The following ATP9A variants were observed in gnomAD, a reference collection of about 807,000 sequenced individuals.
ATP9A encodes ATPase phospholipid transporting 9A, also known as probable phospholipid-transporting ATPase IIA.
A neutral mutation model predicts 144.1 loss-of-function variants in ATP9A; 52 were observed. The observed-to-expected ratio is 0.36, with a 90% CI of 0.29 to 0.45. The LOEUF (loss-of-function observed/expected upper bound fraction) is 0.45, where lower values mean the gene tolerates loss of function less well. Among genes scored for constraint, ATP9A ranks in the 20% least tolerant of loss-of-function variants. The pLI is 1.00. For missense variants in ATP9A, 947 were observed against 1,392.7 expected (o/e 0.68, Z 5.09); for synonymous variants, 582 against 557.4 (o/e 1.04, Z -0.62).
intron 6 of ATP9A, among the ~76,000 whole-genome samples, chr20:51,694,918 C>A (rs2077564104): frequency 6.6e-6 from 1 of 152,074 alleles, no homozygotes; most frequent in Admixed American, 6.6e-5. Flanking sequence ...CCATAATGCT[C>A]TGTTTTCACT....
At chr20:51,628,527 T>C (rs1298946741) in intron 16 of ATP9A, among the ~76,000 whole-genome samples, 1 of 152,242 alleles carries the variant, frequency 6.6e-6, no homozygotes, top group Admixed American at 6.5e-5. Context: ...ACCTGCTCTC[T>C]TTGTTGAAGC....
intron 13 of ATP9A, among the ~76,000 whole-genome samples, chr20:51,660,651 TAA>T (rs774702176): frequency 6.6e-6 from 1 of 152,210 alleles, no homozygotes; most frequent in Non-Finnish European, 1.5e-5. Context: ...AATTGTTAAA[TAA>T]AGTCTCATTT....
intron 11 of ATP9A, among the ~76,000 whole-genome samples, chr20:51,672,718 G>GA (rs1206110615): frequency 6.6e-6 from 1 of 152,156 alleles, no homozygotes; most frequent in African/African-American, 2.4e-5. Flanking sequence ...AAGTTTCAGG[G>GA]AAAAAATATG....
Position 51,625,323 on chromosome 20 carries a change from A to C in ATP9A, c.1885T>G (p.Ser629Ala), listed in dbSNP as rs777812750. The change falls in exon 18 of 28, where the codon TCC becomes GCC. Residue 629 changes from serine (S) to alanine (A), a missense_variant. By Grantham distance (99) the Ser-to-Ala change is moderately conservative. Coordinates refer to ENST00000338821, the MANE Select transcript of ATP9A (RefSeq NM_006045.3). ...VQAKLSVHDR[S>A]LKVATVIESL... ...TCGATCACCGTGGCCACTTTGAGGG[A>C]GCGGTCGTGCACACTCAGCTTGGCC... is the stretch of plus-strand genomic sequence containing the variant. 18 of 1,614,150 alleles carry C rather than the reference A, an allele frequency of 1.1e-5. No individual in the cohort carries two copies. Among genetic ancestry groups the C allele is most frequent in the Non-Finnish European group, 1.5e-5 (18 of 1,180,018 alleles).
At chr20:51,691,576 T>C (rs1199219704) in intron 7 of ATP9A, among the ~76,000 whole-genome samples, 1 of 152,146 alleles carries the variant, frequency 6.6e-6, no homozygotes, top group Non-Finnish European at 1.5e-5. Flanking sequence ...CCCGTAAGGA[T>C]GGCTGCTATC....
chr20:51,626,332 T>C (rs969876400), intron 17 of ATP9A, among the ~76,000 whole-genome samples: 1 of 148,482 alleles, frequency 6.7e-6, no homozygotes, highest in African/African-American at 2.5e-5. Flanking sequence ...CTACTAAAAA[T>C]ACAAAAATTA....
intron 1 of ATP9A, among the ~76,000 whole-genome samples, chr20:51,756,403 G>A (rs1023500939): frequency 6.6e-6 from 1 of 151,784 alleles, no homozygotes; most frequent in Non-Finnish European, 1.5e-5. Context: ...CAATTCTCCT[G>A]CCTCGGCCTT....
chr20:51,641,660 T>TA (rs1341456056), intron 14 of ATP9A, among the ~76,000 whole-genome samples: 21 of 143,860 alleles, frequency 1.5e-4, no homozygotes, highest in Non-Finnish European at 2.7e-4. Flanking sequence ...ACTAAAAAAA[T>TA]AAAAATAAAA....
At chr20:51,721,814 AAG>A (rs1491024583) in intron 3 of ATP9A, among the ~76,000 whole-genome samples, 66 of 150,082 alleles carry the variant, frequency 4.4e-4, no homozygotes, top group African/African-American at 1.6e-3. Flanking sequence ...AAAAAAAAAA[AAG>A]AAAAAGAAAA....
intron 14 of ATP9A, among the ~76,000 whole-genome samples, chr20:51,655,862 CA>C (rs747607464): frequency 0.058 from 7,575 of 129,836 alleles, 596 homozygotes; most frequent in African/African-American, 0.19. Flanking sequence ...TCTATATAGA[CA>C]AAAAAAAAAA....
At chr20:51,710,263 A>T (rs2077632146) in intron 4 of ATP9A, among the ~76,000 whole-genome samples, 1 of 152,136 alleles carries the variant, frequency 6.6e-6, no homozygotes, top group African/African-American at 2.4e-5. Flanking sequence ...AGATCGCGAC[A>T]TTGCACTCCA....
chr20:51,676,275 T>C (rs2077476926), intron 9 of ATP9A, 67 bp from the exon 10 acceptor site: 12 of 1,249,574 alleles, frequency 9.6e-6, no homozygotes, highest in East Asian at 2.6e-5. Context: ...GGCTTGCAAA[T>C]AGAAGAGTCT....
chr20:51,605,461 T>C (rs1269497612), intron 26 of ATP9A, among the ~76,000 whole-genome samples: 3 of 151,804 alleles, frequency 2.0e-5, no homozygotes, highest in Non-Finnish European at 4.4e-5. Flanking sequence ...CTACAAAAAA[T>C]ACAAAAATTA....
intron 15 of ATP9A, among the ~76,000 whole-genome samples, chr20:51,636,241 A>C (rs969780337): frequency 2.0e-5 from 3 of 152,208 alleles, no homozygotes; most frequent in Admixed American, 2.0e-4. Context: ...TGAGTACACT[A>C]GACAGATGAT....
chr20:51,631,460 C>T (rs978166524), intron 15 of ATP9A, among the ~76,000 whole-genome samples: 1 of 152,128 alleles, frequency 6.6e-6, no homozygotes, highest in Non-Finnish European at 1.5e-5. Context: ...GGAAATGATG[C>T]TCCCAGCCCA....
At chr20:51,741,256 T>A (rs1489726370) in intron 1 of ATP9A, among the ~76,000 whole-genome samples, 2 of 152,040 alleles carry the variant, frequency 1.3e-5, no homozygotes, top group Non-Finnish European at 2.9e-5. Context: ...CTGATGTCAA[T>A]GGCAAAGGAA....
At chr20:51,743,204 C>T (rs1568844526) in intron 1 of ATP9A, among the ~76,000 whole-genome samples, 1 of 152,148 alleles carries the variant, frequency 6.6e-6, no homozygotes, top group Non-Finnish European at 1.5e-5. Context: ...ACTTCAGCTC[C>T]CTGGTGCCCC....
At chr20:51,695,959 T>G in intron 6 of ATP9A, 134 bp downstream of exon 6, 1 of 770,050 alleles carries the variant, frequency 1.3e-6, no homozygotes, top group Non-Finnish European at 2.1e-6. Context: ...CACGGTCTAT[T>G]TAAAAAGATG....
intron 14 of ATP9A, among the ~76,000 whole-genome samples, chr20:51,656,125 G>C (rs1245246386): frequency 6.6e-6 from 1 of 151,798 alleles, no homozygotes; most frequent in African/African-American, 2.4e-5. Flanking sequence ...TAGGGCTGGA[G>C]GAATGAGGAA....
Sources: gnomAD v4.1 joint callset for allele counts (sites outside exome capture counted in the v4.1 genomes callset) on GRCh38, gnomAD v4.1.1 for gene constraint, MANE v1.5 for transcripts, NCBI Gene and HGNC (gene_info 2026-07-23, HGNC 2026-07-21) for gene names.